Variants in TRPC4AP observed in about 807,000 individuals in gnomAD.
The protein encoded by TRPC4AP is transient receptor potential cation channel subfamily C member 4 associated protein, also known as short transient receptor potential channel 4-associated protein.
In TRPC4AP, 45 loss-of-function variants were observed where a neutral mutation model predicts 99.0. The ratio of observed to expected loss-of-function variants is 0.45; its 90% confidence interval spans 0.36 to 0.58. TRPC4AP has a LOEUF of 0.58. TRPC4AP is among the 20% of genes least tolerant of loss of function. The pLI is 0.00. For synonymous variants in TRPC4AP, 408 were observed against 385.8 expected, an observed-to-expected ratio of 1.06 and a Z score of -0.67; for missense variants, 879 against 985.3, an observed-to-expected ratio of 0.89 and a Z score of 1.44.
At chr20:35,007,232 T>C (rs1454703380) in intron 14 of TRPC4AP, among the ~76,000 whole-genome samples, 1 of 152,232 alleles carries the variant, frequency 6.6e-6, no homozygotes, top group Non-Finnish European at 1.5e-5. Flanking sequence ...AGTTTTACTT[T>C]TTCTGAAGAC....
intron 3 of TRPC4AP, among the ~76,000 whole-genome samples, chr20:35,062,207 A>G (rs2084025109): frequency 6.6e-6 from 1 of 152,222 alleles, no homozygotes; most frequent in Non-Finnish European, 1.5e-5. Flanking sequence ...GTAGATATGT[A>G]AAATGGTGCA....
At chr20:35,053,730 ATAAT>A (rs1359672390) in intron 5 of TRPC4AP, among the ~76,000 whole-genome samples, 4 of 152,246 alleles carry the variant, frequency 2.6e-5, no homozygotes, top group East Asian at 1.9e-4. Flanking sequence ...TATCTCATTA[ATAAT>A]TAATTATACT....
At chr20:35,024,129 A>ATT (rs2082959359) in intron 8 of TRPC4AP, among the ~76,000 whole-genome samples, 14 of 85,328 alleles carry the variant, frequency 1.6e-4, no homozygotes, top group Non-Finnish European at 2.6e-5. Context: ...ATGCACACTC[A>ATT]CTTTTTTTTT....
chr20:35,029,907 A>T (rs2083137005), intron 8 of TRPC4AP, among the ~76,000 whole-genome samples: 2 of 143,368 alleles, frequency 1.4e-5, no homozygotes, highest in African/African-American at 2.5e-5. Context: ...AAGTGCTGGG[A>T]TTACAGGCGT....
At chr20:35,044,248 C>G (rs914673510) in intron 7 of TRPC4AP, among the ~76,000 whole-genome samples, 1 of 151,106 alleles carries the variant, frequency 6.6e-6, no homozygotes, top group Non-Finnish European at 1.5e-5. Context: ...AAAATTAGCC[C>G]GGTGTGGTGG....
At chr20:35,064,067 C>T (rs558121136) in intron 3 of TRPC4AP, among the ~76,000 whole-genome samples, 28 of 152,214 alleles carry the variant, frequency 1.8e-4, no homozygotes, top group Middle Eastern at 6.8e-3. Flanking sequence ...AAAATTAGGA[C>T]CTTTGTTTTC....
intron 5 of TRPC4AP, among the ~76,000 whole-genome samples, chr20:35,052,098 G>T (rs867299235): frequency 4.2e-4 from 58 of 138,044 alleles, no homozygotes; most frequent in South Asian, 1.4e-3. Context: ...TTTTTTTTTG[G>T]TTTTTTTTTT....
rs1168802432 is a variant in TRPC4AP, at chr20:35,005,688, CA to C, written c.1936+6del. The C allele has an allele frequency of 1.2e-6, 2 of 1,613,542 alleles. No homozygotes were observed. The highest frequency in any genetic ancestry group is 1.7e-6 in the Non-Finnish European group (2 of 1,179,582). On this transcript the variant is annotated splice_donor_region_variant and intron_variant, in intron 16 of 18. Transcript: ENST00000252015. ...TGACTTGCCTTGACAGCCTGCCTTT[CA>C]TGTACCTTTCATATCCACCTGGTTT...
At chr20:35,092,469 G>C in intron 1 of TRPC4AP, 145 bp downstream of exon 1, 1 of 986,452 alleles carries the variant, frequency 1.0e-6, no homozygotes, top group Non-Finnish European at 1.4e-6. Flanking sequence ...AGCTGAGAGC[G>C]TCCGGGCAGC....
At position 35,010,064 on chromosome 20, in the gene TRPC4AP, A is replaced by G. The variant is rs1457586423; in HGVS notation, c.1511+123T>C. 3 of 731,420 alleles carry G rather than the reference A, an allele frequency of 4.1e-6. No individual in the cohort carries two copies. The African/African-American group carries it at 5.3e-5, about 13-fold the overall frequency. The allele number at this position is 731,420 out of a possible 1,614,324, so 45.3% of individuals were successfully genotyped here. ...CAATGCCTGGCACACAGGAGCCCTC[A>G]GGACACTGTAGCTGCATGTGAGAGA... On this transcript the variant is annotated intron_variant, in intron 12 of 18. Coordinates refer to ENST00000252015, the MANE Select transcript of TRPC4AP (RefSeq NM_015638.3).
chr20:35,003,373 G>A (rs777135091), intron 18 of TRPC4AP, 37 bp downstream of exon 18: 29 of 1,584,776 alleles, frequency 1.8e-5, no homozygotes, highest in Middle Eastern at 1.7e-4. Context: ...CTGGGTCCGC[G>A]GCCCACCCAT....
At chr20:35,011,280 C>T (rs1285221052) in intron 11 of TRPC4AP, among the ~76,000 whole-genome samples, 4 of 152,028 alleles carry the variant, frequency 2.6e-5, no homozygotes, top group Non-Finnish European at 5.9e-5. Flanking sequence ...AGAAAGAAAA[C>T]ACATTTAATA....
At chr20:35,084,416 C>T (rs959762127) in intron 1 of TRPC4AP, among the ~76,000 whole-genome samples, 10 of 151,194 alleles carry the variant, frequency 6.6e-5, no homozygotes, top group African/African-American at 2.4e-4. Context: ...TTAAAGGATG[C>T]ACTATTATGC....
chr20:35,076,837 G>A (rs1240179534), intron 2 of TRPC4AP, among the ~76,000 whole-genome samples: 7 of 152,180 alleles, frequency 4.6e-5, no homozygotes, highest in African/African-American at 1.7e-4. Context: ...GCTGCCTTTT[G>A]TTCAGCTATG....
At chr20:35,010,312 G>A in intron 11 of TRPC4AP, 24 bp from the exon 12 acceptor site, 1 of 1,606,002 alleles carries the variant, frequency 6.2e-7, no homozygotes, top group South Asian at 1.1e-5. Context: ...GGTTGGAGGA[G>A]GTAAAGGACA....
At chr20:35,066,623 T>G (rs1281232649) in intron 3 of TRPC4AP, among the ~76,000 whole-genome samples, 1 of 152,164 alleles carries the variant, frequency 6.6e-6, no homozygotes, top group African/African-American at 2.4e-5. Context: ...ATGCAAAAAT[T>G]TAAACATACA....
intron 15 of TRPC4AP, 106 bp downstream of exon 15, chr20:35,006,329 C>A (rs772802487): frequency 1.1e-4 from 145 of 1,364,172 alleles, no homozygotes; most frequent in Non-Finnish European, 1.4e-4. Context: ...CCAGACTCCC[C>A]CGTCGTCTCT....
intron 8 of TRPC4AP, among the ~76,000 whole-genome samples, chr20:35,021,901 T>C (rs546945952): frequency 6.6e-6 from 1 of 152,368 alleles, no homozygotes; most frequent in South Asian, 2.1e-4. Flanking sequence ...ATGCTACTGA[T>C]GCAGATGAAC....
intron 10 of TRPC4AP, among the ~76,000 whole-genome samples, chr20:35,015,415 C>CA (rs1223836216): frequency 6.6e-6 from 1 of 151,048 alleles, no homozygotes; most frequent in Non-Finnish European, 1.5e-5. Flanking sequence ...AGATCCCTAT[C>CA]ACAGAGATTA....
Sources: allele counts gnomAD v4.1 joint callset (sites outside exome capture counted in the v4.1 genomes callset), GRCh38; gene constraint gnomAD v4.1.1; transcripts MANE v1.5; gene names NCBI Gene and HGNC (gene_info 2026-07-23, HGNC 2026-07-21).